XIRP2: variants seen among roughly 807,000 people sequenced by gnomAD.
XIRP2 encodes xin actin-binding repeat-containing protein 2.
In XIRP2, 236 loss-of-function variants were observed where a neutral mutation model predicts 277.0. That is an observed-to-expected ratio of 0.85 (90% CI 0.77 to 0.95). The LOEUF (loss-of-function observed/expected upper bound fraction) is 0.95, where lower values mean the gene tolerates loss of function less well. Among genes scored for constraint, XIRP2 ranks in the 40% least tolerant of loss-of-function variants. XIRP2 has a pLI of 0.00. For missense variants in XIRP2, 4,640 were observed against 4,157.5 expected, an observed-to-expected ratio of 1.12 and a Z score of -3.19; for synonymous variants, 1,490 against 1,416.5, an observed-to-expected ratio of 1.05 and a Z score of -1.17.
intron 5 of XIRP2, among the ~76,000 whole-genome samples, chr2:167,230,463 A>G (rs754891788): frequency 1.3e-5 from 2 of 152,014 alleles, no homozygotes; most frequent in Non-Finnish European, 2.9e-5. Flanking sequence ...TCATTTCTAC[A>G]TAAGGGATTA....
chr2:167,061,296 T>A (rs1689166373), intron 2 of XIRP2, among the ~76,000 whole-genome samples: 1 of 152,184 alleles, frequency 6.6e-6, no homozygotes. Flanking sequence ...TACCTGTAGA[T>A]CAACACAATT....
At chr2:167,110,035 G>A (rs1394152901) in intron 2 of XIRP2, among the ~76,000 whole-genome samples, 1 of 150,278 alleles carries the variant, frequency 6.7e-6, no homozygotes, top group African/African-American at 2.4e-5. Context: ...ATTTTTACTT[G>A]TAAATTTGTT....
At chr2:167,027,223 A>C (rs758547307) in intron 2 of XIRP2, among the ~76,000 whole-genome samples, 1 of 151,792 alleles carries the variant, frequency 6.6e-6, no homozygotes, top group Non-Finnish European at 1.5e-5. Flanking sequence ...TTTTTTCTCT[A>C]AACTTCCCTC....
In XIRP2 at chr2:166,928,278, A is replaced by T. The variant is rs764763637; in HGVS notation, c.408+24388A>T. ...AGAGAAGGTGGCATAAAACTGACAG[A>T]TGGGTTTATGGGGAGCCATAGTCAT... On this transcript the variant is annotated intron_variant, in intron 2 of 10. Transcript: ENST00000409195. 5.3e-5 allele frequency among the ~76,000 whole-genome samples: 8 copies of T among 152,118 alleles called. No individual in the cohort carries two copies. In the East Asian group the frequency reaches 1.5e-3, roughly 29 times the overall value.
Position 167,247,277 on chromosome 2 carries a change from C to G in XIRP2, c.5885C>G (p.Thr1962Arg), listed in dbSNP as rs746547288. 1.9e-6 allele frequency: 3 copies of G among 1,613,688 alleles called. No homozygotes were observed. The highest frequency in any genetic ancestry group is 2.5e-6 in the Non-Finnish European group (3 of 1,179,832). Residue 1962 changes from threonine (T) to arginine (R), a missense_variant, in exon 9 of 11, where the codon ACA becomes AGA. By Grantham distance (71) the Thr-to-Arg change is moderately conservative (BLOSUM62 -1). Transcript: ENST00000409195. ...GCAGGATCCTCGGGAGAGCAGAAAA[C>G]AGATATTCATCAGGTTGCTGTCCAG... ...VMAGSSGEQK[T>R]DIHQVAVQRN...
At chr2:167,109,098 A>C (rs1182433256) in intron 2 of XIRP2, among the ~76,000 whole-genome samples, 1 of 151,482 alleles carries the variant, frequency 6.6e-6, no homozygotes, top group Non-Finnish European at 1.5e-5. Flanking sequence ...TTTATTACTC[A>C]CTTATAAGTG....
intron 2 of XIRP2, among the ~76,000 whole-genome samples, chr2:166,921,233 G>A (rs1209997070): frequency 2.0e-5 from 3 of 152,092 alleles, no homozygotes; most frequent in Admixed American, 1.3e-4. Context: ...ATATACCCAA[G>A]TGTGATTGCT....
intron 2 of XIRP2, among the ~76,000 whole-genome samples, chr2:167,089,253 CTTTTTCTAAAACTCATTAT>C (rs754867381): frequency 2.0e-5 from 3 of 152,120 alleles, no homozygotes; most frequent in Non-Finnish European, 4.4e-5. Context: ...GCAAAGACAA[CTTTTTCTAAAACTCATTAT>C]TAGAGATTTT....
intron 2 of XIRP2, among the ~76,000 whole-genome samples, chr2:166,909,097 T>C (rs1335062468): frequency 6.6e-6 from 1 of 152,180 alleles, no homozygotes; most frequent in East Asian, 1.9e-4. Flanking sequence ...CTTGGCAATG[T>C]GGGCCCTTTT....
chr2:167,248,354 A>G lies in XIRP2; in HGVS notation c.6962A>G (p.Glu2321Gly), dbSNP rs1287149592. 6.2e-7 allele frequency: 1 copy of G among 1,613,158 alleles called. No individual in the cohort carries two copies. The highest frequency in any genetic ancestry group is 1.1e-5 in the South Asian group (1 of 91,054). The change falls in exon 9 of 11, where the codon GAA becomes GGA. Residue 2321 changes from glutamate to glycine, a missense_variant. By Grantham distance (98) the Glu-to-Gly change is moderately conservative (BLOSUM62 -2). Coordinates refer to ENST00000409195, the MANE Select transcript of XIRP2 (RefSeq NM_152381.6). Reference protein sequence around the residue: ...PPPPPLMMFPEKNGFLPSLST... With the variant: ...PPPPPLMMFPGKNGFLPSLST... ...CCACCTCCTTTGATGATGTTTCCTG[A>G]AAAAAATGGGTTTCTTCCCTCACTG...
chr2:166,969,347 A>T (rs1237066425), intron 2 of XIRP2, among the ~76,000 whole-genome samples: 1 of 152,006 alleles, frequency 6.6e-6, no homozygotes, highest in Non-Finnish European at 1.5e-5. Flanking sequence ...GAATTTATTC[A>T]CGTCTAGTCA....
rs377363143 is a variant in XIRP2, at chr2:167,251,482, A to G, written c.10090A>G (p.Ile3364Val). ...TGCAAAGGGAGAAACAAACCATAAC[A>G]TACAACAAGAAAGTCGTACATTTTG... The part of the protein sequence containing the change: ...VYAKGETNHN[I>V]QQESRTFCKE... The change falls in exon 9 of 11, where the codon ATA becomes GTA. Residue 3364 changes from isoleucine (I) to valine (V), a missense_variant. Transcript: ENST00000409195. 1.9e-6 allele frequency: 3 copies of G among 1,613,602 alleles called. No homozygotes were observed. The highest frequency in any genetic ancestry group is 8.5e-7 in the Non-Finnish European group (1 of 1,179,668).
intron 2 of XIRP2, among the ~76,000 whole-genome samples, chr2:167,055,476 T>G (rs997327169): frequency 5.9e-5 from 9 of 152,218 alleles, no homozygotes; most frequent in African/African-American, 2.2e-4. Context: ...TTTAATAAAA[T>G]TATAAACTGC....
At chr2:166,928,859 T>C (rs1685255810) in intron 2 of XIRP2, among the ~76,000 whole-genome samples, 1 of 152,100 alleles carries the variant, frequency 6.6e-6, no homozygotes, top group Admixed American at 6.6e-5. Context: ...ACAGGAAGAC[T>C]GTGCTTTGGA....
intron 2 of XIRP2, among the ~76,000 whole-genome samples, chr2:167,036,832 T>C (rs991992191): frequency 6.6e-6 from 1 of 152,098 alleles, no homozygotes; most frequent in African/African-American, 2.4e-5. Flanking sequence ...AATTGAATCA[T>C]GGGGGCTGGT....
intron 1 of XIRP2, among the ~76,000 whole-genome samples, chr2:166,898,839 G>T (rs1477775649): frequency 2.6e-5 from 4 of 152,034 alleles, no homozygotes; most frequent in Admixed American, 2.6e-4. Context: ...TTGTAATTTT[G>T]TCATTTCAAG....
rs78066333 is a variant in XIRP2 at position 167,190,379 on chromosome 2, C to T, written c.563-20356C>T. Among the ~76,000 whole-genome samples the T allele has an allele frequency of 8.0e-3, 1,218 of 152,214 alleles. 42 individuals carry two copies. In the East Asian group the frequency reaches 0.092, roughly 12 times the overall value. ...CCCCTATCCTGAAGCTACTCCCCACCCCTACCCCCCACTCCTGACTGCCAA... is the reference window on the plus strand; with the variant it reads ...CCCCTATCCTGAAGCTACTCCCCACTCCTACCCCCCACTCCTGACTGCCAA... On this transcript the variant is annotated intron_variant, in intron 3 of 10. Transcript: ENST00000409195.
At position 167,241,788 on chromosome 2, in the gene XIRP2, C is replaced by A; in HGVS notation, c.1054C>A (p.Pro352Thr). 6.2e-7 allele frequency: 1 copy of A among 1,609,832 alleles called. No individual in the cohort carries two copies. Among genetic ancestry groups the A allele is most frequent in the Non-Finnish European group, 8.5e-7 (1 of 1,178,192 alleles). The change falls in exon 8 of 11, where the codon CCT (proline) becomes ACT (threonine). Residue 352 changes from proline to threonine, a missense_variant. Coordinates refer to ENST00000409195, the MANE Select transcript of XIRP2 (RefSeq NM_152381.6). ...QYVQETVIDTPEDEEIPKVST... is the reference protein window; with the variant it reads ...QYVQETVIDTTEDEEIPKVST... Reference sequence around the variant, plus strand: ...TTTTCTGTTTGTAGTCATTGATACACCTGAGGATGAAGAGATTCCAAAGGT... The same window carrying A: ...TTTTCTGTTTGTAGTCATTGATACAACTGAGGATGAAGAGATTCCAAAGGT...
Position 167,201,190 on chromosome 2 carries a change from GAAAGAAAGAAAGAAAGAAAGAAAGAA to G in XIRP2, c.563-9543_563-9518del, listed in dbSNP as rs1461999406. Among the ~76,000 whole-genome samples, 3 of 11,074 alleles carry G rather than the reference GAAAGAAAGAAAGAAAGAAAGAAAGAA, an allele frequency of 2.7e-4. No homozygotes were observed. The East Asian group carries it at 3.9e-3, about 14-fold the overall frequency. 7.3% of individuals were successfully genotyped at this position (11,074 alleles called of 152,430 possible). On this transcript the variant is annotated intron_variant, in intron 3 of 10. Coordinates refer to ENST00000409195, the MANE Select transcript of XIRP2 (RefSeq NM_152381.6). ...AGAGAGAGAAAGAAAGAGAGAGAGA[GAAAGAAAGAAAGAAAGAAAGAAAGAA>G]AGAAAGAAAGAAAGAAAGAAAGAAA...
Sources: allele counts gnomAD v4.1 joint callset (sites outside exome capture counted in the v4.1 genomes callset), GRCh38; gene constraint gnomAD v4.1.1; transcripts MANE v1.5; gene names NCBI Gene and HGNC (gene_info 2026-07-23, HGNC 2026-07-21).